Variants in LRRFIP2 observed in about 807,000 individuals in gnomAD.
The protein encoded by LRRFIP2 is LRR binding FLII interacting protein 2.
A neutral mutation model predicts 125.9 loss-of-function variants in LRRFIP2; 109 were observed. The observed-to-expected ratio is 0.87, with a 90% CI of 0.74 to 1.01. The LOEUF is 1.01. LRRFIP2 is among the 50% of genes least tolerant of loss of function. The pLI is 0.00. For missense variants in LRRFIP2, 850 were observed against 862.3 expected (o/e 0.99, Z 0.18); for synonymous variants, 291 against 293.1 (o/e 0.99, Z 0.07).
At chr3:37,139,535 T>A (rs1206776902) in intron 2 of LRRFIP2, among the ~76,000 whole-genome samples, 1 of 152,132 alleles carries the variant, frequency 6.6e-6, no homozygotes, top group Non-Finnish European at 1.5e-5. Flanking sequence ...CTTCACACCC[T>A]CCAAAGCCAC....
At chr3:37,103,075 G>C (rs934683131) in intron 14 of LRRFIP2, 62 bp from the exon 15 acceptor site, 45 of 1,310,220 alleles carry the variant, frequency 3.4e-5, no homozygotes, top group Non-Finnish European at 4.6e-5. Context: ...AAAAAAATAA[G>C]AACATTGGCC....
At chr3:37,057,434 C>T (rs887220739) in intron 25 of LRRFIP2, among the ~76,000 whole-genome samples, 1 of 152,086 alleles carries the variant, frequency 6.6e-6, no homozygotes, top group Non-Finnish European at 1.5e-5. Context: ...AAAATATTCA[C>T]CAGGAAATGT....
At chr3:37,100,308 G>C (rs546183441) in intron 15 of LRRFIP2, among the ~76,000 whole-genome samples, 18 of 150,140 alleles carry the variant, frequency 1.2e-4, no homozygotes, top group African/African-American at 4.5e-4. Flanking sequence ...CTGCGAGACA[G>C]AGCGAGACCC....
At chr3:37,110,619 T>G (rs1235563358) in intron 9 of LRRFIP2, among the ~76,000 whole-genome samples, 1 of 152,178 alleles carries the variant, frequency 6.6e-6, no homozygotes, top group Non-Finnish European at 1.5e-5. Flanking sequence ...TATTTTGAAA[T>G]GTATCAAAAA....
At chr3:37,100,378 G>GTGTATGTATATATACA (rs1439762034) in intron 15 of LRRFIP2, among the ~76,000 whole-genome samples, 1 of 147,156 alleles carries the variant, frequency 6.8e-6, no homozygotes, top group African/African-American at 2.7e-5. Context: ...ATACATACAT[G>GTGTATGTATATATACA]TATACATACA....
At chr3:37,122,854 T>C (rs904056509) in intron 4 of LRRFIP2, among the ~76,000 whole-genome samples, 1 of 152,230 alleles carries the variant, frequency 6.6e-6, no homozygotes, top group Non-Finnish European at 1.5e-5. Context: ...GCCTGAGTCA[T>C]GTGAGATAAA....
At chr3:37,059,716 G>C (rs2087960241) in intron 24 of LRRFIP2, among the ~76,000 whole-genome samples, 1 of 152,026 alleles carries the variant, frequency 6.6e-6, no homozygotes, top group African/African-American at 2.4e-5. Context: ...GAACCTGGTA[G>C]GTGGAGGTTG....
chr3:37,113,398 C>T (rs2094628640), intron 7 of LRRFIP2, among the ~76,000 whole-genome samples: 1 of 152,120 alleles, frequency 6.6e-6, no homozygotes, highest in African/African-American at 2.4e-5. Flanking sequence ...GCCTAGAACT[C>T]CTGGACTCCT....
chr3:37,142,502 A>C (rs2095737153), intron 2 of LRRFIP2, among the ~76,000 whole-genome samples: 1 of 152,242 alleles, frequency 6.6e-6, no homozygotes, highest in Admixed American at 6.5e-5. Flanking sequence ...TGAGAACACA[A>C]AAAATAAAGC....
At chr3:37,116,049 A>G (rs2094768352) in intron 6 of LRRFIP2, among the ~76,000 whole-genome samples, 1 of 152,200 alleles carries the variant, frequency 6.6e-6, no homozygotes, top group Non-Finnish European at 1.5e-5. Flanking sequence ...AATACTATTC[A>G]AAAACCCAAT....
At chr3:37,168,655 A>C (rs1402387450) in intron 1 of LRRFIP2, among the ~76,000 whole-genome samples, 3 of 152,236 alleles carry the variant, frequency 2.0e-5, no homozygotes, top group African/African-American at 4.8e-5. Flanking sequence ...AAAATGGTTT[A>C]AATGATAAAT....
At chr3:37,102,115 A>T (rs1375826380) in intron 15 of LRRFIP2, among the ~76,000 whole-genome samples, 3 of 152,260 alleles carry the variant, frequency 2.0e-5, no homozygotes, top group Non-Finnish European at 4.4e-5. Flanking sequence ...CAAAAAGGAA[A>T]ATACTTTTTT....
intron 2 of LRRFIP2, chr3:37,143,899 T>C (rs2149942912): frequency 6.5e-6 from 1 of 154,052 alleles, no homozygotes; most frequent in Admixed American, 6.5e-5. Flanking sequence ...TCTTGACATG[T>C]ACAAGGTAAA....
chr3:37,068,766 G>T (rs917972072), intron 21 of LRRFIP2: 5 of 152,158 alleles, frequency 3.3e-5, no homozygotes, highest in African/African-American at 1.2e-4. Context: ...TTTGGGCAAG[G>T]GGTTAATTCT....
intron 1 of LRRFIP2, among the ~76,000 whole-genome samples, chr3:37,154,998 T>C (rs1273021960): frequency 2.6e-5 from 4 of 152,224 alleles, no homozygotes; most frequent in Non-Finnish European, 5.9e-5. Flanking sequence ...ATTTCATAGT[T>C]ATTCATAAAC....
At position 37,129,390 on chromosome 3, in the gene LRRFIP2, C is replaced by T. The variant is rs114146418; in HGVS notation, c.91-241G>A. Among the ~76,000 whole-genome samples, 1,010 of 152,302 alleles carry T rather than the reference C, an allele frequency of 6.6e-3. 11 individuals are homozygous for T. The highest frequency in any genetic ancestry group is 0.022 in the African/African-American group (926 of 41,564). ...ACCTTTAACTTCTTGTTTGATTACA[C>T]ACTCAACACATTTCATACAGTTTGT... On this transcript the variant is annotated intron_variant, in intron 2 of 27. Transcript: ENST00000336686.
intron 24 of LRRFIP2, among the ~76,000 whole-genome samples, chr3:37,061,360 G>A (rs1363535093): frequency 1.3e-5 from 2 of 151,676 alleles, no homozygotes; most frequent in Admixed American, 1.3e-4. Context: ...ACAGCTTGCA[G>A]AACCATGAGC....
intron 8 of LRRFIP2, chr3:37,112,055 G>A (rs2149443933): frequency 6.6e-6 from 1 of 152,302 alleles, no homozygotes; most frequent in Non-Finnish European, 1.5e-5. Context: ...GGGCATTCTG[G>A]AGACATTATT....
chr3:37,059,397 GA>G (rs1452769285), intron 24 of LRRFIP2, among the ~76,000 whole-genome samples: 2 of 152,260 alleles, frequency 1.3e-5, no homozygotes, highest in Non-Finnish European at 2.9e-5. Flanking sequence ...GTATATTCAA[GA>G]GATTATTTCT....
Sources: gnomAD v4.1 joint callset for allele counts (sites outside exome capture counted in the v4.1 genomes callset) on GRCh38, gnomAD v4.1.1 for gene constraint, MANE v1.5 for transcripts, NCBI Gene and HGNC (gene_info 2026-07-23, HGNC 2026-07-21) for gene names.